The following TREM1 variants were observed in gnomAD, a reference collection of about 807,000 sequenced individuals.
The protein encoded by TREM1 is triggering receptor expressed on monocytes 1.
A neutral mutation model predicts 22.4 loss-of-function variants in TREM1; 16 were observed. The observed-to-expected ratio is 0.71, with a 90% confidence interval of 0.48 to 1.08. The LOEUF (loss-of-function observed/expected upper bound fraction) is 1.08. TREM1 is among the 50% of genes least tolerant of loss of function. The pLI is 0.00. For synonymous variants in TREM1, 110 were observed against 111.6 expected (o/e 0.99, Z 0.09); for missense variants, 283 against 282.9 (o/e 1.00, Z 0.00).
At chr6:41,280,730 A>C in intron 3 of TREM1, 1 of 1,437,616 alleles carries the variant, frequency 7.0e-7, no homozygotes, top group Non-Finnish European at 9.1e-7. Context: ...CTCAGGTTGC[A>C]AGGAAACAAA....
At chr6:41,277,470 T>C (rs1044404984) in intron 3 of TREM1, among the ~76,000 whole-genome samples, 3 of 152,168 alleles carry the variant, frequency 2.0e-5, no homozygotes, top group African/African-American at 7.2e-5. Context: ...CCGATTCCAG[T>C]GCTGCAACCT....
chr6:41,276,282 G>A (rs2234242), intron 3 of TREM1, 52 bp from the exon 4 acceptor site: 128,976 of 1,355,912 alleles, frequency 0.095, 6,893 homozygotes, highest in East Asian at 0.23. Flanking sequence ...TCTCCCACAC[G>A]CACATGTTCC....
At chr6:41,280,698 T>G (rs867264273) in intron 3 of TREM1, 3 of 1,424,214 alleles carry the variant, frequency 2.1e-6, no homozygotes, top group Middle Eastern at 5.2e-4. Context: ...TTGGGGAAGA[T>G]GCCATTTCCC....
intron 3 of TREM1, chr6:41,280,271 G>T: frequency 2.0e-6 from 2 of 979,598 alleles, no homozygotes; most frequent in Non-Finnish European, 2.4e-6. Flanking sequence ...TTTAATAACT[G>T]TAAAGAGGTG....
At chr6:41,279,368 T>A (rs542379548) in intron 3 of TREM1, among the ~76,000 whole-genome samples, 12 of 152,254 alleles carry the variant, frequency 7.9e-5, no homozygotes, top group Non-Finnish European at 1.0e-4. Flanking sequence ...TTCATTCCTT[T>A]GTTACTTTGT....
chr6:41,280,644 C>T, intron 3 of TREM1: 2 of 1,379,194 alleles, frequency 1.5e-6, no homozygotes, highest in Non-Finnish European at 1.9e-6. Context: ...AGTGCTTTCC[C>T]ACTGCCCATC....
intron 3 of TREM1, among the ~76,000 whole-genome samples, chr6:41,279,297 G>C (rs573485961): frequency 3.9e-4 from 60 of 152,354 alleles, no homozygotes; most frequent in Non-Finnish European, 7.8e-4. Flanking sequence ...AGCCACTTGC[G>C]TGGGGCCACT....
chr6:41,281,882 A>G, intron 2 of TREM1: 1 of 162,686 alleles, frequency 6.1e-6, no homozygotes, highest in South Asian at 1.6e-4. Flanking sequence ...GGGACACAAA[A>G]TGAGCTCTGG....
chr6:41,281,114 T>G lies in TREM1; in HGVS notation c.446A>C (p.Gln149Pro), dbSNP rs1184570097. The G allele has an allele frequency of 6.2e-7, 1 of 1,614,162 alleles. No individual in the cohort carries two copies. The highest frequency in any genetic ancestry group is 1.1e-5 in the South Asian group (1 of 91,084). The change falls in exon 3 of 4, where the codon CAG (glutamine) becomes CCG (proline). Residue 149 changes from glutamine to proline, a missense_variant. Physicochemically the swap from Gln to Pro is moderately conservative, Grantham distance 76. Transcript: ENST00000244709. ...GTPGSNENST[Q>P]NVYKIPPTTT... ...GGTAGGAGGAATCTTATACACATTC[T>G]GGGTAGAATTCTCATTGGAGCCAGG...
downstream of TREM1, among the ~76,000 whole-genome samples, chr6:41,268,688 A>G (rs11758363): frequency 6.6e-6 from 1 of 152,234 alleles, no homozygotes; most frequent in African/African-American, 2.4e-5. Context: ...TGATCAAGGC[A>G]GAGAGGGACC....
chr6:41,278,424 C>G (rs1370625117), intron 3 of TREM1, among the ~76,000 whole-genome samples: 1 of 151,904 alleles, frequency 6.6e-6, no homozygotes, highest in African/African-American at 2.4e-5. Context: ...AATCCCAGCA[C>G]TTTGGGAGGC....
In TREM1 at chr6:41,273,864, C is replaced by A. The variant is rs1392183146; in HGVS notation, c.*2261G>T. Among the ~76,000 whole-genome samples, 1 of 152,206 alleles carries A rather than the reference C, an allele frequency of 6.6e-6. No individual in the cohort carries two copies. The highest frequency in any genetic ancestry group is 1.5e-5 in the Non-Finnish European group (1 of 68,040). ...GAGCCCTGAGGACAGAAACCCTGAT[C>A]TGACTGTCTCCCCACCCTCGGCTCT... On this transcript the variant is annotated 3_prime_UTR_variant, in exon 4 of 4. Transcript: ENST00000244709.
intron 3 of TREM1, among the ~76,000 whole-genome samples, chr6:41,277,584 T>C (rs1349612122): frequency 1.3e-5 from 2 of 152,200 alleles, no homozygotes; most frequent in Non-Finnish European, 2.9e-5. Context: ...TTTCCTATGC[T>C]GAACTCCTGG....
Position 41,282,627 on chromosome 6 carries a change from T to C in TREM1, c.174A>G (p.Ile58Met), listed in dbSNP as rs1767981433. The C allele has an allele frequency of 6.2e-7, 1 of 1,614,076 alleles. No homozygotes were observed. Among genetic ancestry groups the C allele is most frequent in the African/African-American group, 1.3e-5 (1 of 74,912 alleles). ...FASSQKAWQI[I>M]RDGEMPKTLA... ...GGGTCTTGGGCATCTCTCCGTCCCT[T>C]ATTATCTGCCAAGCTTTCTGGCTGC... Residue 58 changes from isoleucine to methionine, a missense_variant, in exon 2 of 4, where the codon ATA becomes ATG. Transcript: ENST00000244709.
Position 41,274,613 on chromosome 6 carries a change from T to C in TREM1, c.*1512A>G, listed in dbSNP as rs1362143366. ...GGATCTAGTGCGTCTGCAAAGATTCTCACCAGAGCATCAGGATGAAATAAA... is the reference window on the plus strand; with the variant it reads ...GGATCTAGTGCGTCTGCAAAGATTCCCACCAGAGCATCAGGATGAAATAAA... On this transcript the variant is annotated 3_prime_UTR_variant, in exon 4 of 4. Coordinates refer to ENST00000244709, the MANE Select transcript of TREM1 (RefSeq NM_018643.5). 6.6e-6 allele frequency among the ~76,000 whole-genome samples: 1 copy of C among 152,130 alleles called. No individual in the cohort carries two copies. Among genetic ancestry groups the C allele is most frequent in the East Asian group, 1.9e-4 (1 of 5,186 alleles).
At position 41,268,090 on chromosome 6, in the gene TREM1, T is replaced by C. The variant is rs1308602491; in HGVS notation, c.600-2A>G. ...ATGCCAAATGTCATGCTCTTTTCCC[T>C]GCAAATTCAAGCGGGGGAAATGATT... On this transcript the variant is annotated splice_acceptor_variant, in intron 3 of 3. Transcript: ENST00000589614. LOFTEE classifies it high-confidence loss of function. The C allele has an allele frequency of 5.0e-6, 2 of 398,622 alleles. No individual in the cohort carries two copies. Among genetic ancestry groups the C allele is most frequent in the East Asian group, 7.1e-5 (2 of 28,086 alleles). The allele number at this position is 398,622 out of a possible 1,614,324, so 24.7% of individuals were successfully genotyped here.
rs539287481 is a variant in TREM1 at position 41,282,670 on chromosome 6, G to A, written c.131C>T (p.Thr44Met). ...GQTLDVKCDYTLEKFASSQKA... is the reference protein window; with the variant it reads ...GQTLDVKCDYMLEKFASSQKA... The stretch of plus-strand genomic sequence containing the variant: ...CTGGCTGCTGGCAAACTTCTCTAGC[G>A]TGTAGTCACATTTCACATCCAGGGT... The change falls in exon 2 of 4, where the codon ACG (threonine) becomes ATG (methionine). Residue 44 changes from threonine (T) to methionine (M), a missense_variant. Transcript: ENST00000244709. 75 of 1,613,990 alleles carry A rather than the reference G, an allele frequency of 4.6e-5. No individual in the cohort carries two copies. The highest frequency in any genetic ancestry group is 6.6e-5 in the South Asian group (6 of 91,080).
At chr6:41,268,738 T>C (rs1767400794), downstream of TREM1, among the ~76,000 whole-genome samples, 2 of 152,148 alleles carry the variant, frequency 1.3e-5, no homozygotes, top group African/African-American at 4.8e-5. Context: ...ATGGCTGCCC[T>C]TACCTTTGCA....
Position 41,275,771 on chromosome 6 carries a change from A to G in TREM1, c.*354T>C. The G allele has an allele frequency of 3.3e-6, 1 of 306,260 alleles. No individual in the cohort carries two copies. 19.0% of individuals were successfully genotyped at this position (306,260 alleles called of 1,614,324 possible). On this transcript the variant is annotated 3_prime_UTR_variant, in exon 4 of 4. Coordinates refer to ENST00000244709, the MANE Select transcript of TREM1 (RefSeq NM_018643.5). The stretch of plus-strand genomic sequence containing the variant: ...AATTGTATGGTCCAGGGCAAAACTG[A>G]GCAGGAGAAGTATCAGGTGTGCCTT...
Sources: allele counts gnomAD v4.1 joint callset (sites outside exome capture counted in the v4.1 genomes callset), GRCh38; gene constraint gnomAD v4.1.1; transcripts MANE v1.5; gene names NCBI Gene and HGNC (gene_info 2026-07-23, HGNC 2026-07-21).